Variants in DNAH7 observed in about 807,000 individuals in gnomAD.
The protein encoded by DNAH7 is dynein axonemal heavy chain 7.
In DNAH7, 397 loss-of-function variants were observed where a neutral mutation model predicts 444.6. That is an observed-to-expected ratio of 0.89 (90% confidence interval 0.82 to 0.97). The LOEUF (loss-of-function observed/expected upper bound fraction) is 0.97, where lower values mean the gene tolerates loss of function less well. DNAH7 is among the 50% of genes least tolerant of loss of function. DNAH7 has a pLI of 0.00. For missense variants in DNAH7, 4,902 were observed against 4,800.8 expected (o/e 1.02, Z -0.62); for synonymous variants, 1,636 against 1,624.4 (o/e 1.01, Z -0.17).
At chr2:196,016,258 GTGT>G (rs1288834525) in intron 9 of DNAH7, among the ~76,000 whole-genome samples, 1 of 152,124 alleles carries the variant, frequency 6.6e-6, no homozygotes, top group Non-Finnish European at 1.5e-5. Flanking sequence ...ATAACTTGTG[GTGT>G]TGTTTTGAAA....
rs145379689 is a variant in DNAH7, at chr2:196,055,605, G to C, written c.78+2449C>G. Among the ~76,000 whole-genome samples, 229 of 152,316 alleles carry C rather than the reference G, an allele frequency of 1.5e-3. 1 individual carries two copies. The highest frequency in any genetic ancestry group is 5.1e-3 in the African/African-American group (210 of 41,572). ...CATTTTCAAGCTAACAGGTGCAATA[G>C]GTGTTCTCAGAGTTGAAGCCTTCCC... On this transcript the variant is annotated intron_variant, in intron 2 of 64. Transcript: ENST00000312428.
At chr2:196,068,616 G>C in intron 1 of DNAH7, 81 bp downstream of exon 1, 1 of 1,536,384 alleles carries the variant, frequency 6.5e-7, no homozygotes, top group East Asian at 2.5e-5. Flanking sequence ...AGTTCGCTAG[G>C]CAGGAGGGGC....
chr2:196,032,430 C>T (rs1696116368), intron 5 of DNAH7, among the ~76,000 whole-genome samples: 1 of 152,148 alleles, frequency 6.6e-6, no homozygotes, highest in African/African-American at 2.4e-5. Flanking sequence ...CTAGAAAAGG[C>T]TCTGGTATCA....
chr2:195,872,155 G>A (rs1700749965), intron 40 of DNAH7, 95 bp downstream of exon 40: 2 of 1,001,620 alleles, frequency 2.0e-6, no homozygotes, highest in South Asian at 1.7e-5. Context: ...ATATATTTCA[G>A]CAATATAAAT....
Position 195,906,684 on chromosome 2 carries a change from C to T in DNAH7, c.4310G>A (p.Arg1437Gln), listed in dbSNP as rs547682335. The T allele has an allele frequency of 2.5e-6, 4 of 1,612,914 alleles. No homozygotes were observed. The highest frequency in any genetic ancestry group is 1.3e-5 in the African/African-American group (1 of 74,924). The change falls in exon 27 of 65, where the codon CGA becomes CAA. Residue 1437 changes from arginine (R) to glutamine (Q), a missense_variant. Transcript: ENST00000312428. Reference protein sequence around the residue: ...FITMNPGYAGRSELPDNLKAL... With the variant: ...FITMNPGYAGQSELPDNLKAL... ...CTTCAGGTTATCTGGCAGTTCTGAT[C>T]GCCCAGCATACCCAGGGTTCATTGT...
At position 195,738,195 on chromosome 2, in the gene DNAH7, A is replaced by G. The variant is rs1692767146; in HGVS notation, c.11869-68T>C. 4 of 1,383,098 alleles carry G rather than the reference A, an allele frequency of 2.9e-6. No homozygotes were observed. In the South Asian group the frequency reaches 4.9e-5, roughly 17 times the overall value. The allele number at this position is 1,383,098 out of a possible 1,614,324, so 85.7% of individuals were successfully genotyped here. ...GTTAAATGTACATGTGTTTGAGCCT[A>G]CTATAGTATTCTCAGAGTAAGGTTA... On this transcript the variant is annotated intron_variant, in intron 64 of 64. Coordinates refer to ENST00000312428, the MANE Select transcript of DNAH7 (RefSeq NM_018897.3).
chr2:195,839,171 G>T (rs984777804), intron 47 of DNAH7, among the ~76,000 whole-genome samples: 3 of 151,674 alleles, frequency 2.0e-5, no homozygotes, highest in Non-Finnish European at 4.4e-5. Context: ...TACAATGATA[G>T]TCTGAAAATA....
chr2:195,749,351 T>C (rs1323713554), intron 63 of DNAH7, among the ~76,000 whole-genome samples: 1 of 150,258 alleles, frequency 6.7e-6, no homozygotes, highest in Non-Finnish European at 1.5e-5. Context: ...GGAGAGGATG[T>C]GGAGAAATAG....
At chr2:195,851,473 T>C (rs1699358610) in intron 46 of DNAH7, among the ~76,000 whole-genome samples, 1 of 152,196 alleles carries the variant, frequency 6.6e-6, no homozygotes, top group African/African-American at 2.4e-5. Context: ...AGCTTTGGCA[T>C]GTCTTGTGTC....
intron 5 of DNAH7, among the ~76,000 whole-genome samples, chr2:196,032,756 C>A (rs1304239311): frequency 6.6e-6 from 1 of 152,086 alleles, no homozygotes; most frequent in East Asian, 1.9e-4. Flanking sequence ...AAACACTTCC[C>A]AACTCTTTTT....
chr2:195,768,591 T>C (rs1055395929), intron 61 of DNAH7, among the ~76,000 whole-genome samples: 6 of 152,134 alleles, frequency 3.9e-5, no homozygotes, highest in Non-Finnish European at 8.8e-5. Context: ...ACATTTTTAC[T>C]GGTATTACCA....
At chr2:195,739,206 T>G (rs1285228017) in intron 64 of DNAH7, among the ~76,000 whole-genome samples, 3 of 152,258 alleles carry the variant, frequency 2.0e-5, no homozygotes, top group Non-Finnish European at 2.9e-5. Context: ...CTCCTGAAAT[T>G]GCATTTATTT....
intron 21 of DNAH7, 102 bp downstream of exon 21, chr2:195,934,489 C>A: frequency 8.0e-7 from 1 of 1,244,414 alleles, no homozygotes; most frequent in Non-Finnish European, 1.1e-6. Flanking sequence ...AATTCCATGC[C>A]TCCATTTCTG....
intron 22 of DNAH7, among the ~76,000 whole-genome samples, chr2:195,924,225 A>C (rs963341159): frequency 9.2e-5 from 14 of 152,186 alleles, no homozygotes; most frequent in Non-Finnish European, 5.9e-5. Flanking sequence ...GGATATGCCA[A>C]CTTGAAGTAA....
Position 196,068,821 on chromosome 2 carries a change from C to A in DNAH7, c.-110G>T. 1 of 1,407,124 alleles carries A rather than the reference C, an allele frequency of 7.1e-7. No individual in the cohort carries two copies. The highest frequency in any genetic ancestry group is 2.6e-5 in the East Asian group (1 of 39,014). 87.2% of individuals were successfully genotyped at this position (1,407,124 alleles called of 1,614,324 possible). On this transcript the variant is annotated 5_prime_UTR_variant, in exon 1 of 65. Transcript: ENST00000312428. Reference sequence around the variant, plus strand: ...GGACTTGCAGCGGTCTCAGCTCCCTCCGCACCAGAGCCGTCTAGCGTCCGG... The same window carrying A: ...GGACTTGCAGCGGTCTCAGCTCCCTACGCACCAGAGCCGTCTAGCGTCCGG...
intron 63 of DNAH7, among the ~76,000 whole-genome samples, chr2:195,753,074 G>A (rs1459948312): frequency 6.6e-6 from 1 of 152,178 alleles, no homozygotes; most frequent in East Asian, 1.9e-4. Context: ...ACTAGTAAGA[G>A]AGAAATAATT....
At chr2:196,045,706 A>G (rs1697077121) in intron 5 of DNAH7, among the ~76,000 whole-genome samples, 1 of 152,176 alleles carries the variant, frequency 6.6e-6, no homozygotes, top group Non-Finnish European at 1.5e-5. Flanking sequence ...ACCTTAAGAA[A>G]TATAAATTAA....
intron 27 of DNAH7, chr2:195,905,883 T>C (rs989089073): frequency 6.6e-5 from 10 of 152,114 alleles, no homozygotes; most frequent in Admixed American, 2.0e-4. Context: ...GCAATAAATA[T>C]CTTAGTCCCA....
At chr2:195,920,923 T>A (rs562433876) in intron 24 of DNAH7, among the ~76,000 whole-genome samples, 6 of 152,242 alleles carry the variant, frequency 3.9e-5, no homozygotes, top group African/African-American at 1.2e-4. Context: ...TAGACAATTA[T>A]CAAAAGAAGA....
Sources: allele counts gnomAD v4.1 joint callset (sites outside exome capture counted in the v4.1 genomes callset), GRCh38; gene constraint gnomAD v4.1.1; transcripts MANE v1.5; gene names NCBI Gene and HGNC (gene_info 2026-07-23, HGNC 2026-07-21).